PDE3B: variants seen among roughly 807,000 people sequenced by gnomAD.
PDE3B encodes cGMP-inhibited 3',5'-cyclic phosphodiesterase 3B.
A neutral mutation model predicts 116.8 loss-of-function variants in PDE3B; 66 were observed. The observed-to-expected ratio is 0.56, with a 90% CI of 0.46 to 0.69. The LOEUF is 0.69. PDE3B is among the 30% of genes least tolerant of loss of function. The probability of loss-of-function intolerance (pLI) is 0.00; values close to 1 mark genes in which losing one functional copy is unlikely to be tolerated. For synonymous variants in PDE3B, 595 were observed against 533.6 expected, an observed-to-expected ratio of 1.12 and a Z score of -1.59; for missense variants, 1,384 against 1,368.1, an observed-to-expected ratio of 1.01 and a Z score of -0.18.
intron 1 of PDE3B, among the ~76,000 whole-genome samples, chr11:14,651,203 A>G (rs893450965): frequency 6.6e-6 from 1 of 152,100 alleles, no homozygotes; most frequent in African/African-American, 2.4e-5. Flanking sequence ...TGGCTTGCAG[A>G]TGCATCACGC....
intron 4 of PDE3B, among the ~76,000 whole-genome samples, chr11:14,801,354 T>C (rs1324567746): frequency 6.6e-6 from 1 of 152,258 alleles, no homozygotes; most frequent in Non-Finnish European, 1.5e-5. Context: ...ATGCTATTCC[T>C]TTCTGTTGTT....
At chr11:14,727,712 G>A (rs1310115895) in intron 1 of PDE3B, among the ~76,000 whole-genome samples, 1 of 152,030 alleles carries the variant, frequency 6.6e-6, no homozygotes, top group Non-Finnish European at 1.5e-5. Flanking sequence ...ATAAAAATCT[G>A]CTAATCAGAT....
intron 1 of PDE3B, among the ~76,000 whole-genome samples, chr11:14,756,953 T>A (rs1302959637): frequency 1.7e-5 from 1 of 58,184 alleles, no homozygotes. Flanking sequence ...CCCTCCCCCC[T>A]CCCCCCACCC....
intron 11 of PDE3B, among the ~76,000 whole-genome samples, chr11:14,843,158 A>G (rs572971651): frequency 9.2e-5 from 14 of 152,368 alleles, no homozygotes; most frequent in African/African-American, 3.4e-4. Flanking sequence ...ATATTAAGAC[A>G]CCAGAAGCAC....
rs1358954026 is a variant in PDE3B at position 14,756,923 on chromosome 11, G to C, written c.979-15014G>C. Among the ~76,000 whole-genome samples, 5 of 149,336 alleles carry C rather than the reference G, an allele frequency of 3.3e-5. No homozygotes were observed. The East Asian group carries it at 1.0e-3, about 30-fold the overall frequency. On this transcript the variant is annotated intron_variant, in intron 1 of 15. Transcript: ENST00000282096. ...CCCACTAACTCGTCATCTAGCATTA[G>C]GTATATCTCCCAATGCTATCCCTCC...
chr11:14,741,519 C>G lies in PDE3B; in HGVS notation c.979-30418C>G, dbSNP rs140624793. ...GATGGGTCTCCTGAATACAGCACAT[C>G]AATGGGTCTTGACTCTTTATTCAAT... On this transcript the variant is annotated intron_variant, in intron 1 of 15. Transcript: ENST00000282096. Among the ~76,000 whole-genome samples, 43 of 152,126 alleles carry G rather than the reference C, an allele frequency of 2.8e-4. 1 individual carries two copies. Among genetic ancestry groups the G allele is most frequent in the African/African-American group, 9.4e-4 (39 of 41,470 alleles).
At chr11:14,891,372 C>A in the PDE3B span, 1 of 985,712 alleles carries the variant, frequency 1.0e-6, no homozygotes, top group Non-Finnish European at 1.2e-6. Flanking sequence ...ACCATCTGCG[C>A]TGTAGGACCC....
chr11:14,847,893 G>C (rs956926459), intron 12 of PDE3B, among the ~76,000 whole-genome samples: 2 of 151,998 alleles, frequency 1.3e-5, no homozygotes, highest in African/African-American at 4.8e-5. Context: ...ATTCACAGCC[G>C]AATTCTACCA....
intron 1 of PDE3B, among the ~76,000 whole-genome samples, chr11:14,723,972 G>C (rs1396936188): frequency 6.6e-6 from 1 of 152,146 alleles, no homozygotes; most frequent in Non-Finnish European, 1.5e-5. Flanking sequence ...CTATCGAAAA[G>C]TTTTTAACAG....
In PDE3B at chr11:14,789,207, T is replaced by C. The variant is rs770025292; in HGVS notation, c.1380T>C (p.Asn460=). ...AGTCTTCAAGGTGGGATCGTAATAA[T>C]GGCAAAAGACCTCACCAAGAATTTG... is the stretch of plus-strand genomic sequence containing the variant. The part of the protein sequence containing the change: ...VEQSSRWDRN[N]GKRPHQEFGI... The change falls in exon 4 of 16, where the codon AAT becomes AAC. Residue 460 remains asparagine (N), a synonymous_variant. Transcript: ENST00000282096. 2 of 1,610,288 alleles carry C rather than the reference T, an allele frequency of 1.2e-6. No homozygotes were observed. Among genetic ancestry groups the C allele is most frequent in the Admixed American group, 1.7e-5 (1 of 59,602 alleles).
chr11:14,701,331 C>T (rs1009963225), intron 1 of PDE3B, among the ~76,000 whole-genome samples: 1 of 151,644 alleles, frequency 6.6e-6, no homozygotes, highest in Non-Finnish European at 1.5e-5. Flanking sequence ...CAGTTATTCA[C>T]ACCATCTCTT....
the PDE3B span, chr11:14,880,703 G>A: frequency 1.5e-5 from 24 of 1,597,428 alleles, no homozygotes; most frequent in South Asian, 1.1e-4. Context: ...CCAAAATATC[G>A]AAAACTGTTT....
chr11:14,779,337 G>A lies in PDE3B; in HGVS notation c.1030-7100G>A, dbSNP rs559654765. On this transcript the variant is annotated intron_variant, in intron 2 of 15. Transcript: ENST00000282096. The stretch of plus-strand genomic sequence containing the variant: ...AGAGAACACCACAAAGATACTCCTC[G>A]AGAAGAGCAACTCCAAAACACATAA... Among the ~76,000 whole-genome samples, 9 of 152,168 alleles carry A rather than the reference G, an allele frequency of 5.9e-5. 1 individual carries two copies. In the Middle Eastern group the frequency reaches 0.01, roughly 173 times the overall value.
At chr11:14,694,104 G>C (rs1855130445) in intron 1 of PDE3B, among the ~76,000 whole-genome samples, 1 of 152,118 alleles carries the variant, frequency 6.6e-6, no homozygotes, top group Non-Finnish European at 1.5e-5. Flanking sequence ...AGATGTGACT[G>C]AATTACTTCA....
intron 1 of PDE3B, among the ~76,000 whole-genome samples, chr11:14,677,939 T>TG (rs1352429219): frequency 6.6e-6 from 1 of 152,172 alleles, no homozygotes; most frequent in Admixed American, 6.5e-5. Context: ...CCTTTTTATT[T>TG]GGGGGGACAG....
At chr11:14,802,308 G>A (rs1858799888) in intron 4 of PDE3B, among the ~76,000 whole-genome samples, 1 of 152,204 alleles carries the variant, frequency 6.6e-6, no homozygotes, top group Non-Finnish European at 1.5e-5. Context: ...CTCTTGGTCT[G>A]TGGATTGCGA....
chr11:14,784,918 G>A (rs1179466584), intron 2 of PDE3B, among the ~76,000 whole-genome samples: 5 of 152,072 alleles, frequency 3.3e-5, no homozygotes, highest in Non-Finnish European at 7.4e-5. Context: ...ATTGAGGAAA[G>A]GTTACTTGCA....
chr11:14,847,688 C>T (rs1222396813), intron 12 of PDE3B, among the ~76,000 whole-genome samples: 1 of 152,158 alleles, frequency 6.6e-6, no homozygotes, highest in East Asian at 1.9e-4. Flanking sequence ...TACAAACTGC[C>T]ATCAGAGAAT....
intron 2 of PDE3B, 120 bp from the exon 3 acceptor site, chr11:14,786,317 A>G (rs1315170451): frequency 1.5e-6 from 1 of 675,808 alleles, no homozygotes; most frequent in East Asian, 3.0e-5. Context: ...GAAAAAAATT[A>G]AAGTTCACGG....
Sources: allele counts gnomAD v4.1 joint callset (sites outside exome capture counted in the v4.1 genomes callset), GRCh38; gene constraint gnomAD v4.1.1; transcripts MANE v1.5; gene names NCBI Gene and HGNC (gene_info 2026-07-23, HGNC 2026-07-21).